ZFYVE9: variants seen among roughly 807,000 people sequenced by gnomAD.
ZFYVE9 encodes the protein zinc finger FYVE-type containing 9.
Under a neutral mutation model 126.7 loss-of-function variants are expected in ZFYVE9, and 43 were observed. The ratio of observed to expected loss-of-function variants is 0.34; its 90% CI spans 0.27 to 0.44. The LOEUF (loss-of-function observed/expected upper bound fraction) is 0.44, where lower values mean the gene tolerates loss of function less well. Ranked by LOEUF, ZFYVE9 falls within the 20% of genes least tolerant of loss-of-function variation. The pLI is 1.00. For synonymous variants in ZFYVE9, 521 were observed against 597.4 expected, an observed-to-expected ratio of 0.87 and a Z score of 1.87; for missense variants, 1,476 against 1,697.0, an observed-to-expected ratio of 0.87 and a Z score of 2.29.
At chr1:52,151,412 T>C (rs566841321) in intron 1 of ZFYVE9, among the ~76,000 whole-genome samples, 1 of 152,314 alleles carries the variant, frequency 6.6e-6, no homozygotes, top group East Asian at 1.9e-4. Context: ...ACATTGATGA[T>C]TCAAACTTAT....
chr1:52,235,975 T>C (rs1356139396), intron 3 of ZFYVE9, among the ~76,000 whole-genome samples: 1 of 152,172 alleles, frequency 6.6e-6, no homozygotes, highest in Non-Finnish European at 1.5e-5. Flanking sequence ...CCTTAACTGT[T>C]GTTTATATCA....
intron 12 of ZFYVE9, among the ~76,000 whole-genome samples, chr1:52,297,729 G>GTTTTGTTTTGT (rs59709396): frequency 0.14 from 20,430 of 147,200 alleles, 2,123 homozygotes; most frequent in African/African-American, 0.3. Flanking sequence ...ATTTTGTTTT[G>GTTTTGTTTTGT]TTTTGTTTTT....
chr1:52,281,079 G>A (rs183082879), intron 9 of ZFYVE9, among the ~76,000 whole-genome samples: 9 of 149,748 alleles, frequency 6.0e-5, no homozygotes, highest in Middle Eastern at 7.0e-3. Context: ...TTTTAAGTGC[G>A]TTTTATTATT....
intron 13 of ZFYVE9, among the ~76,000 whole-genome samples, chr1:52,306,391 C>G (rs774220766): frequency 4.6e-5 from 7 of 152,138 alleles, no homozygotes; most frequent in Non-Finnish European, 7.4e-5. Context: ...GCTGAATACT[C>G]GATTTGACAA....
intron 1 of ZFYVE9, chr1:52,180,160 C>A: frequency 7.9e-7 from 1 of 1,271,740 alleles, no homozygotes; most frequent in Non-Finnish European, 1.1e-6. Context: ...GTTACCAAAG[C>A]CAGTGAGGGT....
In ZFYVE9 at chr1:52,237,539, A is replaced by C. The variant is rs774176618; in HGVS notation, c.122A>C (p.Asp41Ala). ...LLDTKWNKIL[D>A]PPSHRLSFNP... ...GATACAAAGTGGAATAAGATTCTAG[A>C]TCCCCCTTCTCACCGGCTGTCATTT... Residue 41 changes from aspartate to alanine, a missense_variant, in exon 4 of 19, where the codon GAT becomes GCT. By Grantham distance (126) the Asp-to-Ala change is moderately radical. Around this residue, in one of 2 missense-constraint regions of ZFYVE9, gnomAD observed 807 missense variants for 794.6 expected, o/e 1.02. Coordinates refer to ENST00000287727, the MANE Select transcript of ZFYVE9 (RefSeq NM_004799.4). The C allele has an allele frequency of 1.2e-6, 2 of 1,613,870 alleles. No individual in the cohort carries two copies. The highest frequency in any genetic ancestry group is 2.2e-5 in the East Asian group (1 of 44,882).
intron 13 of ZFYVE9, among the ~76,000 whole-genome samples, chr1:52,309,518 T>C (rs1232381210): frequency 1.3e-5 from 2 of 151,658 alleles, no homozygotes; most frequent in Non-Finnish European, 2.9e-5. Context: ...GAAAAGACCT[T>C]AAGTGAAAAG....
intron 1 of ZFYVE9, among the ~76,000 whole-genome samples, chr1:52,172,934 A>G (rs1644587810): frequency 6.6e-6 from 1 of 152,136 alleles, no homozygotes; most frequent in Non-Finnish European, 1.5e-5. Flanking sequence ...ATATACAATC[A>G]TGTCATCTAC....
At chr1:52,338,557 A>G (rs773732776) in intron 16 of ZFYVE9, among the ~76,000 whole-genome samples, 2 of 152,220 alleles carry the variant, frequency 1.3e-5, no homozygotes, top group African/African-American at 2.4e-5. Flanking sequence ...TGAACTTTGT[A>G]TCCTTTCTCA....
chr1:52,313,222 T>G (rs758194078), intron 13 of ZFYVE9, among the ~76,000 whole-genome samples: 1 of 152,214 alleles, frequency 6.6e-6, no homozygotes, highest in African/African-American at 2.4e-5. Flanking sequence ...TACTTTGATA[T>G]AGCTGTGCAA....
Position 52,344,960 on chromosome 1 carries a change from C to T in ZFYVE9, c.4116+16C>T, listed in dbSNP as rs541040804. 2.0e-5 allele frequency: 32 copies of T among 1,611,206 alleles called. No homozygotes were observed. The highest frequency in any genetic ancestry group is 5.5e-5 in the South Asian group (5 of 90,980). Reference sequence around the variant, plus strand: ...CTCAGATCAGGTATGATGTGTCTTCCGCAGCTTTTAAAGCTGGCCTTGGGC... The same window carrying T: ...CTCAGATCAGGTATGATGTGTCTTCTGCAGCTTTTAAAGCTGGCCTTGGGC... On this transcript the variant is annotated intron_variant, in intron 18 of 18. Transcript: ENST00000287727.
At position 52,205,219 on chromosome 1, in the gene ZFYVE9, C is replaced by T. The variant is rs78634867; in HGVS notation, c.-142-11150C>T. On this transcript the variant is annotated intron_variant, in intron 1 of 18. Transcript: ENST00000287727. ...TTCCCCAAGTAGCTGCGACTACAGC[C>T]GTGCACCACCACACCTGGCCTATTT... 8.8e-3 allele frequency among the ~76,000 whole-genome samples: 1,342 copies of T among 151,782 alleles called. 30 individuals carry two copies. The highest frequency in any genetic ancestry group is 0.031 in the African/African-American group (1,286 of 41,350).
chr1:52,336,161 G>T (rs1458251385), intron 15 of ZFYVE9, among the ~76,000 whole-genome samples: 2 of 151,766 alleles, frequency 1.3e-5, no homozygotes, highest in African/African-American at 2.4e-5. Flanking sequence ...CTTTCTTAGG[G>T]CTGGATTCCA....
chr1:52,262,311 A>G (rs926555891), intron 4 of ZFYVE9, among the ~76,000 whole-genome samples: 4 of 152,164 alleles, frequency 2.6e-5, no homozygotes, highest in African/African-American at 7.2e-5. Flanking sequence ...TGGAACATTC[A>G]TCTGTTTACC....
intron 2 of ZFYVE9, among the ~76,000 whole-genome samples, chr1:52,221,828 G>C (rs1645126896): frequency 6.6e-6 from 1 of 152,134 alleles, no homozygotes; most frequent in East Asian, 1.9e-4. Context: ...TCTACCTGTT[G>C]GATCTCTGAT....
chr1:52,150,603 C>G (rs756758586), intron 1 of ZFYVE9, among the ~76,000 whole-genome samples: 1 of 151,900 alleles, frequency 6.6e-6, no homozygotes, highest in Non-Finnish European at 1.5e-5. Context: ...CCTGTCTCTA[C>G]TAAAAATACA....
At position 52,346,475 on chromosome 1, in the gene ZFYVE9, C is replaced by G; in HGVS notation, c.*254C>G. The stretch of plus-strand genomic sequence containing the variant: ...CTTCTGTTCCTGCACAACAGTTATG[C>G]TATCCTTGCAGCTAATCCCCTTCTG... On this transcript the variant is annotated 3_prime_UTR_variant, in exon 19 of 19. Coordinates refer to ENST00000287727, the MANE Select transcript of ZFYVE9 (RefSeq NM_004799.4). 2.3e-6 allele frequency: 1 copy of G among 428,710 alleles called. No homozygotes were observed. Among genetic ancestry groups the G allele is most frequent in the Non-Finnish European group, 4.1e-6 (1 of 243,086 alleles). 26.6% of individuals were successfully genotyped at this position (428,710 alleles called of 1,614,324 possible).
At chr1:52,224,232 T>A (rs996064951) in intron 2 of ZFYVE9, among the ~76,000 whole-genome samples, 2 of 152,054 alleles carry the variant, frequency 1.3e-5, no homozygotes, top group Non-Finnish European at 2.9e-5. Context: ...CAGGTGGCTG[T>A]CCAGCGGGGA....
chr1:52,252,382 C>T (rs111268641), intron 4 of ZFYVE9: 1,571 of 155,980 alleles, frequency 0.01, 24 homozygotes, highest in African/African-American at 0.035. Context: ...TTGTTAGAGA[C>T]GGAGTCTTGC....
Sources: gnomAD v4.1 joint callset for allele counts (sites outside exome capture counted in the v4.1 genomes callset) on GRCh38, gnomAD v4.1.1 for gene constraint, gnomAD v4.1.1 regional missense constraint, MANE v1.5 for transcripts, NCBI Gene and HGNC (gene_info 2026-07-23, HGNC 2026-07-21) for gene names.